Variants in ASH2L observed in about 807,000 individuals in gnomAD.
ASH2L encodes ASH2 like, histone lysine methyltransferase complex subunit.
ASH2L carries 30 observed loss-of-function variants against 81.1 expected under a neutral mutation model. The ratio of observed to expected loss-of-function variants is 0.37; its 90% CI spans 0.28 to 0.50. The LOEUF is 0.50. Among genes scored for constraint, ASH2L ranks in the 20% least tolerant of loss-of-function variants. The pLI is 0.95. For missense variants in ASH2L, 559 were observed against 792.1 expected, an observed-to-expected ratio of 0.71 and a Z score of 3.53; for synonymous variants, 273 against 279.9, an observed-to-expected ratio of 0.98 and a Z score of 0.24.
At chr8:38,105,851 A>G (rs988505429) in intron 1 of ASH2L, 113 bp downstream of exon 1, 12 of 1,436,366 alleles carry the variant, frequency 8.4e-6, no homozygotes, top group African/African-American at 7.3e-5. Context: ...CCCGCCGCCA[A>G]TGGCTCGCCC....
At chr8:38,118,531 G>A (rs1414781855) in intron 8 of ASH2L, among the ~76,000 whole-genome samples, 1 of 152,158 alleles carries the variant, frequency 6.6e-6, no homozygotes, top group Non-Finnish European at 1.5e-5. Flanking sequence ...AGTTCCACAA[G>A]CCAGGTTAAT....
At chr8:38,115,740 TG>T (rs1810865408) in intron 7 of ASH2L, among the ~76,000 whole-genome samples, 1 of 152,212 alleles carries the variant, frequency 6.6e-6, no homozygotes, top group South Asian at 2.1e-4. Flanking sequence ...GCTGAGTGAA[TG>T]GGGCTTAGGC....
intron 14 of ASH2L, among the ~76,000 whole-genome samples, chr8:38,136,542 A>G (rs1465745635): frequency 6.6e-6 from 1 of 151,970 alleles, no homozygotes. Flanking sequence ...TGGGAGGCCA[A>G]GGTGGGTGGA....
intron 6 of ASH2L, 183 bp from the exon 7 acceptor site, chr8:38,114,722 C>G: frequency 1.8e-6 from 1 of 566,194 alleles, no homozygotes; most frequent in Non-Finnish European, 3.2e-6. Context: ...CTTGGGCACT[C>G]TTTGTGTTTC....
intron 10 of ASH2L, among the ~76,000 whole-genome samples, chr8:38,126,097 G>C (rs1263689611): frequency 1.3e-5 from 2 of 152,048 alleles, no homozygotes; most frequent in East Asian, 1.9e-4. Context: ...CAGCCACTTG[G>C]GAGGCTGAGG....
intron 12 of ASH2L, among the ~76,000 whole-genome samples, chr8:38,130,227 CTTTT>C (rs71216650): frequency 2.8e-4 from 24 of 86,238 alleles, no homozygotes; most frequent in Non-Finnish European, 3.6e-4. Flanking sequence ...CTTCTCTGTT[CTTTT>C]TTTTTTTTTT....
At position 38,133,385 on chromosome 8, in the gene ASH2L, G is replaced by A. The variant is rs1032783079; in HGVS notation, c.1528-69G>A. The A allele has an allele frequency of 5.7e-5, 58 of 1,019,232 alleles. 1 individual carries two copies. Among genetic ancestry groups the A allele is most frequent in the Admixed American group, 3.6e-4 (18 of 50,114 alleles). The allele number at this position is 1,019,232 out of a possible 1,614,324, so 63.1% of individuals were successfully genotyped here. A position where few individuals can be genotyped will look rare whatever the true frequency, so the allele number is the denominator to read the frequency against. On this transcript the variant is annotated intron_variant, in intron 12 of 15. Coordinates refer to ENST00000343823, the MANE Select transcript of ASH2L (RefSeq NM_004674.5). ...CAAGGGGTTAACACTATTTGTGTGC[G>A]GATGCGTTTTTTTCATGATGATGGA...
chr8:38,125,931 T>C (rs1380010591), intron 10 of ASH2L, among the ~76,000 whole-genome samples: 2 of 151,592 alleles, frequency 1.3e-5, no homozygotes, highest in African/African-American at 4.8e-5. Flanking sequence ...AGGCCGGGCA[T>C]GGTGGCTCAC....
At chr8:38,127,919 G>A (rs1173522313) in intron 10 of ASH2L, among the ~76,000 whole-genome samples, 9 of 151,620 alleles carry the variant, frequency 5.9e-5, no homozygotes, top group Admixed American at 2.0e-4. Flanking sequence ...GGTGGCACGC[G>A]CCTGTAATCC....
At chr8:38,110,275 G>T in intron 3 of ASH2L, 104 bp from the exon 4 acceptor site, 1 of 854,692 alleles carries the variant, frequency 1.2e-6, no homozygotes, top group Admixed American at 1.9e-5. Context: ...TTGCACCACT[G>T]CACTCCAGCC....
chr8:38,138,842 C>T lies in ASH2L; in HGVS notation c.1746C>T (p.Phe582=). The T allele has an allele frequency of 6.2e-7, 1 of 1,614,200 alleles. No individual in the cohort carries two copies. The highest frequency in any genetic ancestry group is 8.5e-7 in the Non-Finnish European group (1 of 1,180,038). The change falls in exon 15 of 16, where the codon TTC becomes TTT. Residue 582 remains phenylalanine (F), a synonymous_variant. Transcript: ENST00000343823. ...CTVSINFGPC[F]KYPPKDLTYR... ...TTTCCATTAACTTTGGACCATGCTT[C>T]AAGTATCCTCCGAAGGATCTCACTT...
At chr8:38,121,338 TATA>T (rs1563255669) in intron 10 of ASH2L, among the ~76,000 whole-genome samples, 189 bp downstream of exon 10, 21,173 of 112,588 alleles carry the variant, frequency 0.19, 2,529 homozygotes, top group Admixed American at 0.22. Flanking sequence ...TTTATTTATA[TATA>T]TATATATATA....
At chr8:38,130,537 T>C (rs1436616617) in intron 12 of ASH2L, among the ~76,000 whole-genome samples, 1 of 152,208 alleles carries the variant, frequency 6.6e-6, no homozygotes, top group East Asian at 1.9e-4. Context: ...TATTCTCCCA[T>C]GTTTTCCTTT....
intron 1 of ASH2L, 177 bp from the exon 2 acceptor site, chr8:38,106,201 A>C: frequency 1.4e-6 from 2 of 1,471,078 alleles, no homozygotes; most frequent in Admixed American, 2.0e-5. Flanking sequence ...CGACTGTCTG[A>C]CATGTCCACC....
chr8:38,118,886 G>GA (rs1473139803), intron 8 of ASH2L, among the ~76,000 whole-genome samples: 2 of 151,956 alleles, frequency 1.3e-5, no homozygotes, highest in African/African-American at 2.4e-5. Context: ...TAATTTGGAT[G>GA]AAAAAAAATG....
intron 12 of ASH2L, among the ~76,000 whole-genome samples, chr8:38,129,846 A>T (rs1488030739): frequency 1.3e-5 from 2 of 152,128 alleles, no homozygotes; most frequent in Non-Finnish European, 2.9e-5. Flanking sequence ...AATGTGCCCC[A>T]GTGTGTTTAT....
intron 10 of ASH2L, among the ~76,000 whole-genome samples, chr8:38,128,050 A>AG (rs973285251): frequency 6.6e-6 from 1 of 151,726 alleles, no homozygotes; most frequent in African/African-American, 2.4e-5. Flanking sequence ...CATCTCAAAA[A>AG]AAAAAAGATA....
intron 12 of ASH2L, 39 bp from the exon 13 acceptor site, chr8:38,133,415 A>T (rs1404476409): frequency 1.4e-6 from 2 of 1,451,908 alleles, no homozygotes; most frequent in South Asian, 1.2e-5. Flanking sequence ...GATGGAGCTG[A>T]TGCTTTATTG....
chr8:38,127,385 C>T (rs1801891983), intron 10 of ASH2L, among the ~76,000 whole-genome samples: 1 of 151,302 alleles, frequency 6.6e-6, no homozygotes, highest in Non-Finnish European at 1.5e-5. Flanking sequence ...GTTCCAAACT[C>T]ATCACCATTG....
Sources: gnomAD v4.1 joint callset for allele counts (sites outside exome capture counted in the v4.1 genomes callset) on GRCh38, gnomAD v4.1.1 for gene constraint, MANE v1.5 for transcripts, NCBI Gene and HGNC (gene_info 2026-07-23, HGNC 2026-07-21) for gene names.